The following CHD8 variants were observed in gnomAD, a reference collection of about 807,000 sequenced individuals.
CHD8 encodes ATP-dependent chromatin remodeler CHD8.
Under a neutral mutation model 279.2 loss-of-function variants are expected in CHD8, and 31 were observed. The observed-to-expected ratio is 0.11, with a 90% CI of 0.08 to 0.15. The LOEUF (loss-of-function observed/expected upper bound fraction) is 0.15, where lower values mean the gene tolerates loss of function less well. Among genes scored for constraint, CHD8 ranks in the 10% least tolerant of loss-of-function variants. The probability of loss-of-function intolerance (pLI) is 1.00; values close to 1 mark genes in which losing one functional copy is unlikely to be tolerated. For missense variants in CHD8, 2,146 were observed against 3,230.5 expected, an observed-to-expected ratio of 0.66 and a Z score of 8.14; for synonymous variants, 1,081 against 1,139.6, an observed-to-expected ratio of 0.95 and a Z score of 1.04.
At position 21,402,360 on chromosome 14, in the gene CHD8, A is replaced by G; in HGVS notation, c.3858T>C (p.Ser1286=). 6.2e-7 allele frequency: 1 copy of G among 1,613,890 alleles called. No individual in the cohort carries two copies. The highest frequency in any genetic ancestry group is 8.5e-7 in the Non-Finnish European group (1 of 1,179,900). ...GLDKAVLQSM[S]GRDGNITGIQ... ...CTCCAGTAATGTTGCCATCCCGACC[A>G]CTCATGGATTGAAGCACAGCCTTAT... Residue 1286 remains serine, a synonymous_variant, in exon 19 of 38, where the codon AGT becomes AGC. Transcript: ENST00000646647. The surrounding 1 kb of genome is among the most constrained non-coding windows in gnomAD (Gnocchi z 4.5).
intron 1 of CHD8, among the ~76,000 whole-genome samples, chr14:21,434,246 C>T (rs1298454536): frequency 1.3e-5 from 2 of 151,924 alleles, no homozygotes; most frequent in South Asian, 2.1e-4. Flanking sequence ...GTTTTCGCCA[C>T]GTTAGTCAGA....
chr14:21,410,471 A>T (rs969809036), intron 10 of CHD8, among the ~76,000 whole-genome samples: 4 of 152,192 alleles, frequency 2.6e-5, no homozygotes, highest in Admixed American at 2.6e-4. Flanking sequence ...GGTGATAAAG[A>T]AATGTCCTTG....
chr14:21,425,894 C>T lies in CHD8; in HGVS notation c.1716+234G>A, dbSNP rs1012807278. 5.1e-5 allele frequency: 24 copies of T among 467,308 alleles called. No individual in the cohort carries two copies. In the South Asian group the frequency reaches 7.8e-4, roughly 15 times the overall value. 28.9% of individuals were successfully genotyped at this position (467,308 alleles called of 1,614,324 possible). A position where few individuals can be genotyped will look rare whatever the true frequency, so the allele number is the denominator to read the frequency against. ...GAGGGTGCAGTAAGCTGAGATCATG[C>T]CACTGCACTTCAGGCCTGGGTGAGA... On this transcript the variant is annotated intron_variant, in intron 5 of 37. Coordinates refer to ENST00000646647, the MANE Select transcript of CHD8 (RefSeq NM_001170629.2).
In CHD8 at chr14:21,431,843, G is replaced by A. The variant is rs758243033; in HGVS notation, c.-200C>T. On this transcript the variant is annotated 5_prime_UTR_variant, in exon 2 of 38. Coordinates refer to ENST00000646647, the MANE Select transcript of CHD8 (RefSeq NM_001170629.2). ...GAGCAAGATGGCTACGTCTTCAGAG[G>A]AAGATGGTGGAACTCCTGTTGTAGG... The A allele has an allele frequency of 1.4e-5, 23 of 1,610,968 alleles. No individual in the cohort carries two copies. The highest frequency in any genetic ancestry group is 1.8e-5 in the Non-Finnish European group (21 of 1,177,252).
chr14:21,391,511 C>T lies in CHD8; in HGVS notation c.7017G>A (p.Met2339Ile). 6.2e-7 allele frequency: 1 copy of T among 1,613,938 alleles called. No homozygotes were observed. The highest frequency in any genetic ancestry group is 1.3e-5 in the African/African-American group (1 of 75,038). The change falls in exon 36 of 38, where the codon ATG becomes ATA. Residue 2339 changes from methionine (M) to isoleucine (I), a missense_variant. Physicochemically the swap from Met to Ile is conservative, Grantham distance 10. Around this residue, in one of 26 missense-constraint regions of CHD8, gnomAD observed 336 missense variants for 392.9 expected, o/e 0.86. Coordinates refer to ENST00000646647, the MANE Select transcript of CHD8 (RefSeq NM_001170629.2). ...CAAACTCTGGATGACCCTGTAACCA[C>T]ATCTCCAGTTCAGCCCGGCGAGGGG... The part of the protein sequence containing the change: ...EDAPRRAELE[M>I]WLQGHPEFAV...
rs1260867419 is a variant in CHD8, at chr14:21,409,994, A to G, written c.2227-6T>C. 1.2e-6 allele frequency: 2 copies of G among 1,604,180 alleles called. No homozygotes were observed. Among genetic ancestry groups the G allele is most frequent in the Non-Finnish European group, 1.7e-6 (2 of 1,175,658 alleles). ...ACCAGGTAGTAAATAACGGGCTAGG[A>G]GAGAAGAAACCAAAGCCTTAAGAAA... On this transcript the variant is annotated splice_region_variant and splice_polypyrimidine_tract_variant and intron_variant, in intron 10 of 37. Transcript: ENST00000646647.
intron 37 of CHD8, among the ~76,000 whole-genome samples, chr14:21,389,485 C>T (rs1229616107): frequency 6.6e-6 from 1 of 151,958 alleles, no homozygotes; most frequent in Non-Finnish European, 1.5e-5. Context: ...GTAGCATGCG[C>T]CAGTGGTCCC....
chr14:21,395,486 C>T (rs1594333808), intron 28 of CHD8, 134 bp from the exon 29 acceptor site: 1 of 644,090 alleles, frequency 1.6e-6, no homozygotes, highest in Non-Finnish European at 2.7e-6. Context: ...AGAAATATAT[C>T]CCCACAAAAA....
Position 21,385,682 on chromosome 14 carries a change from C to T in CHD8, c.7677G>A (p.Arg2559=), listed in dbSNP as rs1388785562. ...TAGGATCATCAATGAGTGAGAAGTC[C>T]CTTTCTGAGCTATCATAGCCCTGAG... The part of the protein sequence containing the change: ...DLSQGYDSSE[R]DFSLIDDPMM... The change falls in exon 38 of 38, where the codon AGG becomes AGA. Residue 2559 remains arginine (R), a synonymous_variant. Coordinates refer to ENST00000646647, the MANE Select transcript of CHD8 (RefSeq NM_001170629.2). 1 of 1,551,866 alleles carries T rather than the reference C, an allele frequency of 6.4e-7. No individual in the cohort carries two copies. The highest frequency in any genetic ancestry group is 8.7e-7 in the Non-Finnish European group (1 of 1,147,026).
chr14:21,393,816 A>G lies in CHD8; in HGVS notation c.5979T>C (p.Thr1993=), dbSNP rs376837713. ...CTGGGCGCAGGGGCAGTGGTGAGGC[A>G]GTGCGTGAGGTATACTGCTGGTGCA... ...PLLHQQYTSR[T]ASPLPLRPDA... Residue 1993 remains threonine, a synonymous_variant, in exon 32 of 38, where the codon ACT becomes ACC. Transcript: ENST00000646647. 7.4e-6 allele frequency: 12 copies of G among 1,613,868 alleles called. No homozygotes were observed. The African/African-American group carries it at 1.6e-4, about 22-fold the overall frequency.
intron 1 of CHD8, among the ~76,000 whole-genome samples, chr14:21,446,262 T>C (rs1890117582): frequency 6.6e-6 from 1 of 151,972 alleles, no homozygotes; most frequent in Non-Finnish European, 1.5e-5. Context: ...GTACATTACA[T>C]GCCAGGCACT....
rs1376210271 is a variant in CHD8, at chr14:21,437,528, ATTC to A, written c.-215-5673_-215-5671del. Among the ~76,000 whole-genome samples the A allele has an allele frequency of 3.3e-5, 5 of 151,882 alleles. No homozygotes were observed. The East Asian group carries it at 9.7e-4, about 30-fold the overall frequency. On this transcript the variant is annotated intron_variant, in intron 1 of 37. Coordinates refer to ENST00000646647, the MANE Select transcript of CHD8 (RefSeq NM_001170629.2). Reference sequence around the variant, plus strand: ...ACGCGAAACCAGTCCTGGAGATTAAATTCCCTACCATCTACTCTGAATTCTTCA... The same window carrying A: ...ACGCGAAACCAGTCCTGGAGATTAAACCTACCATCTACTCTGAATTCTTCA...
intron 1 of CHD8, among the ~76,000 whole-genome samples, chr14:21,434,393 C>G (rs750433939): frequency 1.9e-4 from 29 of 152,106 alleles, no homozygotes; most frequent in Non-Finnish European, 3.4e-4. Context: ...TAGCCTGCTC[C>G]TTATTCCATG....
chr14:21,444,254 T>G (rs748726990), intron 1 of CHD8, among the ~76,000 whole-genome samples: 16 of 152,202 alleles, frequency 1.1e-4, no homozygotes, highest in Non-Finnish European at 2.2e-4. Context: ...TGACAAATGT[T>G]GTTGGATAAA....
chr14:21,426,389 T>C (rs2139527563), intron 4 of CHD8, 147 bp from the exon 5 acceptor site: 1 of 586,986 alleles, frequency 1.7e-6, no homozygotes, highest in Non-Finnish European at 3.0e-6. Flanking sequence ...CTACTAAATA[T>C]GGTGTTTGAA....
Position 21,391,008 on chromosome 14 carries a change from G to A in CHD8, c.7121C>T (p.Ala2374Val). 1 of 1,605,256 alleles carries A rather than the reference G, an allele frequency of 6.2e-7. No homozygotes were observed. The highest frequency in any genetic ancestry group is 8.5e-7 in the Non-Finnish European group (1 of 1,175,678). ...TTCCATTCCCAAACAGTTCAATTCTGCCTTATTATTTTTTTTACATCTTTG... is the reference window on the plus strand; with the variant it reads ...TTCCATTCCCAAACAGTTCAATTCTACCTTATTATTTTTTTTACATCTTTG... ...KWQRCKKNNKAELNCLGMEPV... is the reference protein window; with the variant it reads ...KWQRCKKNNKVELNCLGMEPV... The change falls in exon 37 of 38, where the codon GCA (alanine) becomes GTA (valine). Residue 2374 changes from alanine (A) to valine (V), a missense_variant. Coordinates refer to ENST00000646647, the MANE Select transcript of CHD8 (RefSeq NM_001170629.2).
chr14:21,437,198 A>T (rs1322278288), intron 1 of CHD8: 2 of 1,182,884 alleles, frequency 1.7e-6, no homozygotes, highest in Middle Eastern at 3.9e-4. Flanking sequence ...CTTTACCTGC[A>T]GTGGCTGTGG....
chr14:21,399,974 A>T lies in CHD8; in HGVS notation c.4817+7T>A. On this transcript the variant is annotated splice_region_variant and intron_variant, in intron 25 of 37. Coordinates refer to ENST00000646647, the MANE Select transcript of CHD8 (RefSeq NM_001170629.2). ...GCATAAATCAAAAAAATATAGCAGA[A>T]TTTTACCTGGCAATCGCACCCCCTA... The T allele has an allele frequency of 6.2e-7, 1 of 1,610,996 alleles. No homozygotes were observed. The highest frequency in any genetic ancestry group is 8.5e-7 in the Non-Finnish European group (1 of 1,178,446).
Position 21,408,886 on chromosome 14 carries a change from AG to A in CHD8, c.2365-62del. Reference sequence around the variant, plus strand: ...ACATTATCAAAAGGTAAGACTTACTAGGTAAGTTCTAATAGTTAAAATCAAT... The same window carrying A: ...ACATTATCAAAAGGTAAGACTTACTAGTAAGTTCTAATAGTTAAAATCAAT... On this transcript the variant is annotated intron_variant, in intron 11 of 37. Transcript: ENST00000646647. The surrounding 1 kb of genome is among the most constrained non-coding windows in gnomAD (Gnocchi z 4.3). 2.7e-6 allele frequency: 4 copies of A among 1,506,600 alleles called. No homozygotes were observed. The highest frequency in any genetic ancestry group is 3.6e-6 in the Non-Finnish European group (4 of 1,106,856). 93.3% of individuals were successfully genotyped at this position (1,506,600 alleles called of 1,614,324 possible).
Sources: gnomAD v4.1 joint callset for allele counts (sites outside exome capture counted in the v4.1 genomes callset) on GRCh38, gnomAD v4.1.1 for gene constraint, gnomAD v4.1.1 regional missense constraint, Gnocchi (gnomAD v3.1) non-coding constraint, MANE v1.5 for transcripts, NCBI Gene and HGNC (gene_info 2026-07-23, HGNC 2026-07-21) for gene names.